Variants in SETBP1 observed in about 807,000 individuals in gnomAD.
SETBP1 encodes the protein SET-binding protein.
In SETBP1, 9 loss-of-function variants were observed where a neutral mutation model predicts 101.0. The ratio of observed to expected loss-of-function variants is 0.09; its 90% confidence interval spans 0.05 to 0.16. SETBP1 has a LOEUF of 0.16. Ranked by LOEUF, SETBP1 falls within the 10% of genes least tolerant of loss-of-function variation. SETBP1 has a pLI of 1.00. For synonymous variants in SETBP1, 818 were observed against 788.5 expected (o/e 1.04, Z -0.63); for missense variants, 1,858 against 2,033.8 (o/e 0.91, Z 1.66).
chr18:44,936,738 A>C (rs775759539), intron 3 of SETBP1, among the ~76,000 whole-genome samples: 3 of 152,164 alleles, frequency 2.0e-5, no homozygotes, highest in South Asian at 2.1e-4. Flanking sequence ...AAGGACACGC[A>C]GATAGACTCC....
At chr18:44,723,672 A>G (rs2069649324) in intron 2 of SETBP1, among the ~76,000 whole-genome samples, 1 of 151,938 alleles carries the variant, frequency 6.6e-6, no homozygotes, top group Admixed American at 6.6e-5. Context: ...ACCTTCCTGA[A>G]CCTACCACGC....
intron 2 of SETBP1, among the ~76,000 whole-genome samples, chr18:44,778,573 T>C (rs373989011): frequency 4.3e-4 from 66 of 152,356 alleles, no homozygotes; most frequent in African/African-American, 1.5e-3. Flanking sequence ...CTACCTTTTC[T>C]GGGGTCAAAA....
intron 2 of SETBP1, among the ~76,000 whole-genome samples, chr18:44,838,607 T>G (rs1288207460): frequency 1.3e-5 from 2 of 152,164 alleles, no homozygotes; most frequent in African/African-American, 4.8e-5. Flanking sequence ...CATTCCTTAC[T>G]AGGACAGTTT....
chr18:44,950,727 C>T lies in SETBP1; in HGVS notation c.1387C>T (p.Arg463Cys), dbSNP rs201930325. ...CTCTGAGGGGAATAAGAAGGATCCC[C>T]GTGTCCCTAAGTTGAGTAAAATGAT... ...SNSEGNKKDP[R>C]VPKLSKMIEN... The change falls in exon 4 of 6, where the codon CGT becomes TGT. Residue 463 changes from arginine to cysteine, a missense_variant. Arg to Cys is a radical substitution (Grantham distance 180). Around this residue, in one of 12 missense-constraint regions of SETBP1, gnomAD observed 581 missense variants for 535.1 expected, o/e 1.09. Transcript: ENST00000649279. 6.5e-5 allele frequency: 105 copies of T among 1,614,052 alleles called. No individual in the cohort carries two copies. The highest frequency in any genetic ancestry group is 6.2e-4 in the East Asian group (28 of 44,862).
At chr18:44,961,177 G>C (rs2071602995) in intron 4 of SETBP1, among the ~76,000 whole-genome samples, 1 of 152,206 alleles carries the variant, frequency 6.6e-6, no homozygotes, top group African/African-American at 2.4e-5. Context: ...CTTAAACACA[G>C]AGGCAGAGGA....
chr18:44,680,746 C>T (rs2068745724), upstream of SETBP1, among the ~76,000 whole-genome samples: 1 of 152,060 alleles, frequency 6.6e-6, no homozygotes, highest in Admixed American at 6.5e-5. Flanking sequence ...TCTACCCCCC[C>T]TCCGCCCCCC....
intron 2 of SETBP1, among the ~76,000 whole-genome samples, chr18:44,833,956 T>A (rs2072433742): frequency 6.6e-6 from 1 of 152,234 alleles, no homozygotes; most frequent in Non-Finnish European, 1.5e-5. Flanking sequence ...TTGTTCTGCA[T>A]AAGAAATGAT....
At chr18:44,969,280 A>T (rs970480127) in intron 4 of SETBP1, among the ~76,000 whole-genome samples, 3 of 152,180 alleles carry the variant, frequency 2.0e-5, no homozygotes, top group Non-Finnish European at 2.9e-5. Context: ...GAATGGGGAA[A>T]ATGATACAAA....
At chr18:45,002,606 AG>A (rs1220571472) in intron 4 of SETBP1, among the ~76,000 whole-genome samples, 2 of 152,138 alleles carry the variant, frequency 1.3e-5, no homozygotes, top group Non-Finnish European at 2.9e-5. Flanking sequence ...AATGTTTCCA[AG>A]GGCAATGCCG....
intron 2 of SETBP1, among the ~76,000 whole-genome samples, chr18:44,707,689 A>G (rs1599014940): frequency 6.6e-6 from 1 of 152,224 alleles, no homozygotes. Context: ...CAAAGTATGG[A>G]TAGGAAAAAA....
At position 44,737,358 on chromosome 18, in the gene SETBP1, T is replaced by A. The variant is rs1463054650; in HGVS notation, c.486+35526T>A. On this transcript the variant is annotated intron_variant, in intron 2 of 5. Coordinates refer to ENST00000649279, the MANE Select transcript of SETBP1 (RefSeq NM_015559.3). ...CACTTGGATACAGATGCCCAGTATTTGGTTACCTGCCCTGGGGAGAGGACT... is the reference window on the plus strand; with the variant it reads ...CACTTGGATACAGATGCCCAGTATTAGGTTACCTGCCCTGGGGAGAGGACT... Among the ~76,000 whole-genome samples the A allele has an allele frequency of 2.0e-5, 3 of 152,202 alleles. No homozygotes were observed. In the East Asian group the frequency reaches 5.8e-4, roughly 29 times the overall value.
chr18:44,945,306 G>C (rs534504554), intron 3 of SETBP1, among the ~76,000 whole-genome samples: 1 of 152,148 alleles, frequency 6.6e-6, no homozygotes, highest in African/African-American at 2.4e-5. Context: ...CCATCAAAAA[G>C]TGGGCACACA....
chr18:44,690,018 C>T (rs573500033), intron 1 of SETBP1, among the ~76,000 whole-genome samples: 3 of 152,262 alleles, frequency 2.0e-5, no homozygotes, highest in African/African-American at 7.2e-5. Context: ...GCTGACTCTG[C>T]CTCCTGCTGC....
chr18:45,004,910 T>G (rs2145350293), intron 4 of SETBP1, among the ~76,000 whole-genome samples: 1 of 152,354 alleles, frequency 6.6e-6, no homozygotes, highest in East Asian at 1.9e-4. Flanking sequence ...GGAGTGATCC[T>G]GATAAGCTTC....
At chr18:45,015,169 G>C (rs67616315) in intron 4 of SETBP1, among the ~76,000 whole-genome samples, 7,913 of 152,292 alleles carry the variant, frequency 0.052, 234 homozygotes, top group South Asian at 0.098. Flanking sequence ...GAGCAGAAGA[G>C]GGGGAGCCTC....
intron 2 of SETBP1, among the ~76,000 whole-genome samples, chr18:44,836,446 G>C (rs2072496571): frequency 1.3e-5 from 2 of 152,150 alleles, no homozygotes; most frequent in South Asian, 4.1e-4. Context: ...GGCCAAGCTA[G>C]TGCTGGAGCT....
Position 44,967,769 on chromosome 18 carries a change from A to G in SETBP1, c.4000+14429A>G, listed in dbSNP as rs114597387. Among the ~76,000 whole-genome samples, 599 of 152,262 alleles carry G rather than the reference A, an allele frequency of 3.9e-3. 5 individuals carry two copies. The highest frequency in any genetic ancestry group is 0.014 in the African/African-American group (562 of 41,558). On this transcript the variant is annotated intron_variant, in intron 4 of 5. Coordinates refer to ENST00000649279, the MANE Select transcript of SETBP1 (RefSeq NM_015559.3). ...CGTCCAGCAACAGAGTCAAATCACT[A>G]TGAGTCTTAGACATTCCTCCCCCAC...
At chr18:44,754,645 G>A (rs1472652236) in intron 2 of SETBP1, among the ~76,000 whole-genome samples, 2 of 152,162 alleles carry the variant, frequency 1.3e-5, no homozygotes, top group Non-Finnish European at 2.9e-5. Flanking sequence ...AGACCATATA[G>A]ATACCCAGTC....
intron 2 of SETBP1, among the ~76,000 whole-genome samples, chr18:44,823,777 C>A (rs1460921138): frequency 6.6e-6 from 1 of 152,190 alleles, no homozygotes; most frequent in African/African-American, 2.4e-5. Context: ...TGAGATCAGT[C>A]CCCTTGATTC....
Sources: gnomAD v4.1 joint callset for allele counts (sites outside exome capture counted in the v4.1 genomes callset) on GRCh38, gnomAD v4.1.1 for gene constraint, gnomAD v4.1.1 regional missense constraint, MANE v1.5 for transcripts, NCBI Gene and HGNC (gene_info 2026-07-23, HGNC 2026-07-21) for gene names.